DYM: variants seen among roughly 807,000 people sequenced by gnomAD.
The protein encoded by DYM is dyggve-Melchior-Clausen syndrome protein.
DYM carries 78 observed loss-of-function variants against 93.1 expected under a neutral mutation model. That is an observed-to-expected ratio of 0.84 (90% CI 0.70 to 1.01). The LOEUF (loss-of-function observed/expected upper bound fraction) is 1.01. Ranked by LOEUF, DYM falls within the 50% of genes least tolerant of loss-of-function variation. The pLI, the probability that DYM is intolerant of heterozygous loss-of-function variation, is 0.00. For synonymous variants in DYM, 321 were observed against 319.7 expected (o/e 1.00, Z -0.04); for missense variants, 789 against 845.0 (o/e 0.93, Z 0.82).
At chr18:49,442,648 A>G (rs372578546) in intron 1 of DYM, among the ~76,000 whole-genome samples, 5 of 150,898 alleles carry the variant, frequency 3.3e-5, no homozygotes, top group Non-Finnish European at 5.9e-5. Flanking sequence ...CTTTAGATAG[A>G]TAATAATGAA....
At position 49,209,696 on chromosome 18, in the gene DYM, G is replaced by A. The variant is rs546639782; in HGVS notation, c.1480C>T (p.Arg494Trp). ...RIISYTCRHL[R>W]RYVYVLDKLY... ...TTGTCCAACACATAAACATATCTCC[G>A]CAAGTGGCGGCAGGTATAACTGAAA... Residue 494 changes from arginine to tryptophan, a missense_variant, in exon 14 of 18, where the codon CGG (arginine) becomes TGG (tryptophan). This residue lies in a region of DYM where 225 missense variants were observed against 303.0 expected (regional missense o/e 0.74). Transcript: ENST00000675505. 8.6e-6 allele frequency: 11 copies of A among 1,281,262 alleles called. No individual in the cohort carries two copies. Among genetic ancestry groups the A allele is most frequent in the African/African-American group, 4.6e-5 (3 of 65,778 alleles). The allele number at this position is 1,281,262 out of a possible 1,614,324, so 79.4% of individuals were successfully genotyped here. A position where few individuals can be genotyped will look rare whatever the true frequency, so the allele number is the denominator to read the frequency against.
At chr18:49,224,809 G>A (rs376985366) in intron 13 of DYM, among the ~76,000 whole-genome samples, 1 of 151,958 alleles carries the variant, frequency 6.6e-6, no homozygotes, top group Non-Finnish European at 1.5e-5. Context: ...ATAGCAACCC[G>A]AACTAAGACA....
chr18:49,421,273 C>A (rs980263912), intron 2 of DYM, among the ~76,000 whole-genome samples: 2 of 152,136 alleles, frequency 1.3e-5, no homozygotes, highest in African/African-American at 2.4e-5. Context: ...ACACCTCATA[C>A]GGCCAGGTGC....
At chr18:49,224,816 G>C (rs1315766955) in intron 13 of DYM, among the ~76,000 whole-genome samples, 3 of 152,026 alleles carry the variant, frequency 2.0e-5, no homozygotes, top group Admixed American at 6.6e-5. Flanking sequence ...CCCGAACTAA[G>C]ACAGGGTGAC....
chr18:49,383,177 T>C (rs990202798), intron 3 of DYM, among the ~76,000 whole-genome samples: 1 of 152,170 alleles, frequency 6.6e-6, no homozygotes, highest in African/African-American at 2.4e-5. Context: ...TAACCAAAAA[T>C]AATGTGTGAA....
intron 13 of DYM, among the ~76,000 whole-genome samples, chr18:49,236,316 T>C (rs1351832744): frequency 6.6e-6 from 1 of 151,786 alleles, no homozygotes; most frequent in African/African-American, 2.4e-5. Context: ...CTGTCTCTAT[T>C]AAAAATACAA....
chr18:49,303,347 A>G (rs192936918), intron 8 of DYM, among the ~76,000 whole-genome samples: 1 of 152,320 alleles, frequency 6.6e-6, no homozygotes, highest in Admixed American at 6.5e-5. Context: ...GGTGCCCATG[A>G]TTTTAAAGAA....
chr18:49,048,434 C>T (rs888459474), intron 17 of DYM: 4 of 152,216 alleles, frequency 2.6e-5, no homozygotes, highest in African/African-American at 9.7e-5. Context: ...TTAAAACGCA[C>T]TTCTCATTGT....
At chr18:49,064,018 T>A (rs192777417) in intron 17 of DYM, among the ~76,000 whole-genome samples, 3 of 152,262 alleles carry the variant, frequency 2.0e-5, no homozygotes, top group Non-Finnish European at 4.4e-5. Flanking sequence ...CTGAATACAG[T>A]CATGTATGCA....
In DYM at chr18:49,188,082, A is replaced by C. The variant is rs76145684; in HGVS notation, c.1625+21469T>G. 6.2e-3 allele frequency among the ~76,000 whole-genome samples: 946 copies of C among 152,366 alleles called. 5 individuals carry two copies. The highest frequency in any genetic ancestry group is 0.011 in the Non-Finnish European group (730 of 68,034). On this transcript the variant is annotated intron_variant, in intron 14 of 17. Transcript: ENST00000675505. ...AGTGATTTAAGTTGTGTGCCAACAA[A>C]CTGAAATCCAAGAATACAAATATCC...
rs992784309 is a variant in DYM at position 49,220,018 on chromosome 18, C to A, written c.1461-10303G>T. Reference sequence around the variant, plus strand: ...ATCTAGAAAACCCCATTGTCTCAGCCCAAAATCTCCTTAAGCTGATAAGCA... The same window carrying A: ...ATCTAGAAAACCCCATTGTCTCAGCACAAAATCTCCTTAAGCTGATAAGCA... On this transcript the variant is annotated intron_variant, in intron 13 of 17. Transcript: ENST00000675505. Among the ~76,000 whole-genome samples, 775 of 151,560 alleles carry A rather than the reference C, an allele frequency of 5.1e-3. 6 individuals are homozygous for A. Among genetic ancestry groups the A allele is most frequent in the African/African-American group, 0.018 (729 of 41,360 alleles).
At chr18:49,454,619 GC>G (rs1433769009) in intron 1 of DYM, among the ~76,000 whole-genome samples, 1 of 152,116 alleles carries the variant, frequency 6.6e-6, no homozygotes, top group African/African-American at 2.4e-5. Context: ...TCTGCTGCAG[GC>G]CGGGTGCGGT....
At chr18:49,338,966 T>C (rs1256880206) in intron 6 of DYM, among the ~76,000 whole-genome samples, 5 of 151,812 alleles carry the variant, frequency 3.3e-5, no homozygotes, top group African/African-American at 2.4e-5. Flanking sequence ...AGGCAGATAA[T>C]AGACTGAAAG....
At chr18:49,373,952 G>A (rs1046084391) in intron 5 of DYM, among the ~76,000 whole-genome samples, 7 of 152,024 alleles carry the variant, frequency 4.6e-5, no homozygotes, top group East Asian at 3.9e-4. Flanking sequence ...ACTAACACAC[G>A]CAAGACACAA....
intron 15 of DYM, among the ~76,000 whole-genome samples, chr18:49,130,437 G>A (rs1338483841): frequency 1.3e-5 from 2 of 152,268 alleles, no homozygotes; most frequent in East Asian, 3.9e-4. Flanking sequence ...ACAATGTCCG[G>A]CATTCAGTAG....
At chr18:49,388,705 T>G (rs998587019) in intron 3 of DYM, among the ~76,000 whole-genome samples, 1 of 151,668 alleles carries the variant, frequency 6.6e-6, no homozygotes, top group African/African-American at 2.4e-5. Context: ...AAAGAAAAAC[T>G]TAAAAGCAGC....
In DYM at chr18:49,297,818, G is replaced by GA. The variant is rs1032602326; in HGVS notation, c.764-11203dup. On this transcript the variant is annotated intron_variant, in intron 8 of 17. Transcript: ENST00000675505. ...AAAACAAACAGTGTTGGTGTAATCA[G>GA]AAAAAAAAAAGCATACTTGATGTTG... is the stretch of plus-strand genomic sequence containing the variant. Among the ~76,000 whole-genome samples the GA allele has an allele frequency of 3.3e-3, 476 of 145,610 alleles. 8 individuals are homozygous for GA. The highest frequency in any genetic ancestry group is 0.024 in the Admixed American group (345 of 14,658).
At chr18:49,298,581 C>A (rs1378109353) in intron 8 of DYM, among the ~76,000 whole-genome samples, 270 of 134,362 alleles carry the variant, frequency 2.0e-3, no homozygotes, top group Middle Eastern at 7.5e-3. Flanking sequence ...AACTCCGTCT[C>A]AAAAAAAAAA....
intron 13 of DYM, among the ~76,000 whole-genome samples, chr18:49,243,580 G>T (rs1175979576): frequency 1.3e-5 from 2 of 150,100 alleles, no homozygotes; most frequent in Non-Finnish European, 3.0e-5. Flanking sequence ...CATGAGAACT[G>T]CTTGAACCTG....
Sources: gnomAD v4.1 joint callset for allele counts (sites outside exome capture counted in the v4.1 genomes callset) on GRCh38, gnomAD v4.1.1 for gene constraint, gnomAD v4.1.1 regional missense constraint, MANE v1.5 for transcripts, NCBI Gene and HGNC (gene_info 2026-07-23, HGNC 2026-07-21) for gene names.